DTNA: variants seen among roughly 807,000 people sequenced by gnomAD.
The protein encoded by DTNA is dystrobrevin alpha.
In DTNA, 43 loss-of-function variants were observed where a neutral mutation model predicts 100.7. That is an observed-to-expected ratio of 0.43 (90% CI 0.33 to 0.55). The LOEUF (loss-of-function observed/expected upper bound fraction) is 0.55, where lower values mean the gene tolerates loss of function less well. Among genes scored for constraint, DTNA ranks in the 20% least tolerant of loss-of-function variants. DTNA has a pLI of 0.04. For missense variants in DTNA, 798 were observed against 953.9 expected, an observed-to-expected ratio of 0.84 and a Z score of 2.15; for synonymous variants, 349 against 347.9, an observed-to-expected ratio of 1.00 and a Z score of -0.04.
At chr18:34,561,118 G>A (rs2046595879) in intron 1 of DTNA, among the ~76,000 whole-genome samples, 2 of 152,136 alleles carry the variant, frequency 1.3e-5, no homozygotes, top group African/African-American at 4.8e-5. Context: ...GAAGAGGATA[G>A]CTTTACCAGA....
intron 1 of DTNA, among the ~76,000 whole-genome samples, chr18:34,612,461 T>C (rs1292594013): frequency 1.3e-5 from 2 of 152,012 alleles, no homozygotes; most frequent in African/African-American, 4.8e-5. Context: ...AATGAACTCA[T>C]AGGAGGCCAT....
At chr18:34,572,704 T>TAGG (rs2047708698) in intron 1 of DTNA, among the ~76,000 whole-genome samples, 1 of 152,106 alleles carries the variant, frequency 6.6e-6, no homozygotes, top group African/African-American at 2.4e-5. Flanking sequence ...TCACCAGTTC[T>TAGG]ACTATTAGGT....
intron 1 of DTNA, among the ~76,000 whole-genome samples, chr18:34,646,913 T>A (rs375495876): frequency 6.7e-6 from 1 of 149,602 alleles, no homozygotes; most frequent in South Asian, 2.1e-4. Context: ...ACGGGGTTTC[T>A]CCATGTTGGC....
chr18:34,881,721 C>T (rs2096875413), intron 20 of DTNA, among the ~76,000 whole-genome samples: 1 of 151,970 alleles, frequency 6.6e-6, no homozygotes, highest in Non-Finnish European at 1.5e-5. Flanking sequence ...ATAAAAAGAG[C>T]CCTCAGATTG....
At chr18:34,689,213 G>A (rs1417206131) in intron 1 of DTNA, among the ~76,000 whole-genome samples, 4 of 152,190 alleles carry the variant, frequency 2.6e-5, no homozygotes, top group Non-Finnish European at 5.9e-5. Flanking sequence ...ATCCTTTGGA[G>A]AAGAGGCGTT....
intron 3 of DTNA, 104 bp from the exon 4 acceptor site, chr18:34,793,933 C>T (rs2094858887): frequency 8.4e-7 from 1 of 1,190,486 alleles, no homozygotes; most frequent in Non-Finnish European, 1.2e-6. Context: ...AACAGCTGCA[C>T]ACATGTGAGA....
rs527684135 is a variant in DTNA at position 34,633,499 on chromosome 18, T to C, written c.-1-122477T>C. ...GAATAAGGGATGTTACAAGACATGC[T>C]AATTTTCAATGAAGTGGAAAAATTG... On this transcript the variant is annotated intron_variant, in intron 1 of 19. Coordinates refer to the DTNA transcript ENST00000283365. Among the ~76,000 whole-genome samples, 8 of 152,300 alleles carry C rather than the reference T, an allele frequency of 5.3e-5. No individual in the cohort carries two copies. In the South Asian group the frequency reaches 1.7e-3, roughly 32 times the overall value.
chr18:34,502,529 G>C (rs1601175201), intron 1 of DTNA, among the ~76,000 whole-genome samples: 2 of 151,986 alleles, frequency 1.3e-5, no homozygotes. Context: ...TGCTGTCACT[G>C]TATCCCATAC....
chr18:34,767,009 T>G (rs1023729388), intron 3 of DTNA, among the ~76,000 whole-genome samples: 3 of 152,192 alleles, frequency 2.0e-5, no homozygotes, highest in Non-Finnish European at 4.4e-5. Context: ...ACTTCCATTG[T>G]ATTACCATAT....
chr18:34,657,097 C>T (rs1462020514), intron 1 of DTNA, among the ~76,000 whole-genome samples: 1 of 152,072 alleles, frequency 6.6e-6, no homozygotes, highest in East Asian at 1.9e-4. Flanking sequence ...AGGATGGTCT[C>T]AAAATCCTGA....
intron 1 of DTNA, among the ~76,000 whole-genome samples, chr18:34,504,784 T>C (rs2040322967): frequency 6.6e-6 from 1 of 152,232 alleles, no homozygotes; most frequent in African/African-American, 2.4e-5. Context: ...TTTTCATAAA[T>C]GTGACTATGA....
At chr18:34,608,974 A>G in intron 1 of DTNA, among the ~76,000 whole-genome samples, 1 of 152,170 alleles carries the variant, frequency 6.6e-6, no homozygotes, top group East Asian at 1.9e-4. Flanking sequence ...TTACTGAGTA[A>G]CTATTTAATT....
At chr18:34,887,641 A>ATGTG (rs139309148) in intron 22 of DTNA, 125 bp from the exon 23 acceptor site, 2 of 560,506 alleles carry the variant, frequency 3.6e-6, no homozygotes, top group East Asian at 1.5e-4. Context: ...GTGTGTGTGC[A>ATGTG]TGTGTGTGTG....
intron 1 of DTNA, among the ~76,000 whole-genome samples, chr18:34,549,788 C>T (rs770235980): frequency 6.6e-6 from 1 of 151,814 alleles, no homozygotes; most frequent in Non-Finnish European, 1.5e-5. Context: ...ACAACTATTG[C>T]CTTTTATTAC....
chr18:34,821,393 A>C (rs902525220), intron 9 of DTNA: 3 of 455,068 alleles, frequency 6.6e-6, no homozygotes, highest in African/African-American at 6.0e-5. Context: ...TAGAAGAATC[A>C]TAGCCTGTGC....
At chr18:34,652,639 T>A (rs970370159) in intron 1 of DTNA, among the ~76,000 whole-genome samples, 50 of 152,316 alleles carry the variant, frequency 3.3e-4, no homozygotes, top group African/African-American at 1.2e-3. Context: ...CCAGCACTAG[T>A]TTAAATGACA....
At chr18:34,792,469 C>G (rs557898205) in intron 3 of DTNA, among the ~76,000 whole-genome samples, 3 of 152,194 alleles carry the variant, frequency 2.0e-5, no homozygotes, top group Non-Finnish European at 4.4e-5. Flanking sequence ...ATAGTAGAAG[C>G]TGATGTTAGT....
At chr18:34,532,823 T>C (rs1038911890) in intron 1 of DTNA, among the ~76,000 whole-genome samples, 1 of 151,870 alleles carries the variant, frequency 6.6e-6, no homozygotes, top group African/African-American at 2.4e-5. Context: ...AGAAGCCATG[T>C]GGTCAGGGTT....
intron 1 of DTNA, among the ~76,000 whole-genome samples, chr18:34,725,446 C>A: frequency 6.7e-6 from 1 of 149,624 alleles, no homozygotes; most frequent in African/African-American, 2.4e-5. Context: ...AGGATATGAA[C>A]AGACACTTCT....
Sources: allele counts gnomAD v4.1 joint callset (sites outside exome capture counted in the v4.1 genomes callset), GRCh38; gene constraint gnomAD v4.1.1; transcripts MANE v1.5; gene names NCBI Gene and HGNC (gene_info 2026-07-23, HGNC 2026-07-21).